Variants in TEX11 observed in about 807,000 individuals in gnomAD.
The protein encoded by TEX11 is testis-expressed protein 11.
TEX11 carries 7 observed loss-of-function variants against 84.4 expected under a neutral mutation model. The ratio of observed to expected loss-of-function variants is 0.08; its 90% CI spans 0.05 to 0.16. TEX11 has a LOEUF of 0.16. Ranked by LOEUF, TEX11 falls within the 10% of genes least tolerant of loss-of-function variation. TEX11 has a pLI of 1.00. For missense variants in TEX11, 551 were observed against 660.5 expected (o/e 0.83, Z 1.82); for synonymous variants, 264 against 222.8 (o/e 1.18, Z -1.64).
rs57753626 is a variant in TEX11 at position 70,759,457 on chromosome X, G to C, written c.693-15238C>G. 9.9e-5 allele frequency among the ~76,000 whole-genome samples: 11 copies of C among 111,071 alleles called. No homozygotes were observed. In the East Asian group the frequency reaches 3.1e-3, roughly 31 times the overall value. On this transcript the variant is annotated intron_variant, in intron 9 of 29. Coordinates refer to ENST00000374333, the MANE Select transcript of TEX11 (RefSeq NM_031276.3). ...GCTTCACCCCTGGGATGCAAGGCTG[G>C]TTCATGCAAATCAATAAATGTAATC...
chrX:70,713,831 T>C (rs2090466458), intron 13 of TEX11, among the ~76,000 whole-genome samples: 1 of 111,705 alleles, frequency 9.0e-6, no homozygotes, highest in African/African-American at 3.3e-5. Context: ...TGCCTTCTGT[T>C]AGCTTTTGCA....
At chrX:70,652,373 T>A (rs756947570) in intron 16 of TEX11, among the ~76,000 whole-genome samples, 1 of 110,952 alleles carries the variant, frequency 9.0e-6, no homozygotes, top group African/African-American at 3.3e-5. Flanking sequence ...CAAAGCACAC[T>A]CGGAAACAAG....
intron 17 of TEX11, among the ~76,000 whole-genome samples, chrX:70,645,968 T>C: frequency 9.1e-6 from 1 of 110,369 alleles, no homozygotes; most frequent in Non-Finnish European, 1.9e-5. Flanking sequence ...GCTATCGCAA[T>C]CTTGAGCAAA....
At chrX:70,655,845 T>G (rs2089859729) in intron 16 of TEX11, among the ~76,000 whole-genome samples, 1 of 111,128 alleles carries the variant, frequency 9.0e-6, no homozygotes, top group Admixed American at 9.6e-5. Flanking sequence ...ACTAATACCG[T>G]ATCTATACAA....
chrX:70,730,633 A>C (rs376207965), intron 11 of TEX11, among the ~76,000 whole-genome samples: 1 of 111,684 alleles, frequency 9.0e-6, no homozygotes. Context: ...CCCAATACAG[A>C]AGCACCCAGA....
At chrX:70,557,821 T>C (rs943440738) in intron 25 of TEX11, among the ~76,000 whole-genome samples, 4 of 111,969 alleles carry the variant, frequency 3.6e-5, no homozygotes, top group African/African-American at 1.3e-4. Context: ...AATAAAGTTG[T>C]AGGACTAACA....
At chrX:70,606,037 C>T (rs1324869369) in intron 23 of TEX11, among the ~76,000 whole-genome samples, 2 of 112,272 alleles carry the variant, frequency 1.8e-5, no homozygotes, top group African/African-American at 3.2e-5. Context: ...GATTCTTACA[C>T]GCCAATCCTA....
At chrX:70,752,584 T>G (rs2090836495) in intron 9 of TEX11, among the ~76,000 whole-genome samples, 1 of 107,001 alleles carries the variant, frequency 9.3e-6, no homozygotes, top group Admixed American at 1.0e-4. Context: ...CAAAAAATGT[T>G]ACAAAAATTA....
At chrX:70,900,730 G>C (rs2091798827) in intron 2 of TEX11, among the ~76,000 whole-genome samples, 1 of 111,059 alleles carries the variant, frequency 9.0e-6, no homozygotes, top group Non-Finnish European at 1.9e-5. Context: ...GAGGTGGGTG[G>C]ATCACTTGAG....
intron 8 of TEX11, among the ~76,000 whole-genome samples, chrX:70,809,699 AGTTTT>A (rs1391001950): frequency 9.0e-6 from 1 of 110,727 alleles, no homozygotes; most frequent in East Asian, 2.8e-4. Context: ...TTTCGGGGTT[AGTTTT>A]GTTTTGTTTT....
chrX:70,579,083 G>A (rs974962057), intron 25 of TEX11, among the ~76,000 whole-genome samples: 6 of 110,760 alleles, frequency 5.4e-5, no homozygotes, highest in Non-Finnish European at 9.4e-5. Flanking sequence ...ATACTAAAAT[G>A]TGCTAAACTA....
At position 70,746,285 on chromosome X, in the gene TEX11, C is replaced by A. The variant is rs746578886; in HGVS notation, c.693-2066G>T. On this transcript the variant is annotated intron_variant, in intron 9 of 29. Coordinates refer to ENST00000374333, the MANE Select transcript of TEX11 (RefSeq NM_031276.3). Reference sequence around the variant, plus strand: ...TATCTTGCCATTCTCAGGCCTGTGTCATGGAAGTGTTCTGGGCAAGTACGA... The same window carrying A: ...TATCTTGCCATTCTCAGGCCTGTGTAATGGAAGTGTTCTGGGCAAGTACGA... 2.1e-4 allele frequency among the ~76,000 whole-genome samples: 23 copies of A among 111,160 alleles called. No homozygotes were observed. The East Asian group carries it at 6.5e-3, about 32-fold the overall frequency.
intron 8 of TEX11, among the ~76,000 whole-genome samples, chrX:70,831,606 C>T (rs184939960): frequency 5.4e-5 from 6 of 110,935 alleles, no homozygotes; most frequent in South Asian, 3.8e-4. Flanking sequence ...TCCAGCCTGG[C>T]GACAGAGCAA....
At chrX:70,577,761 C>A (rs866470155) in intron 25 of TEX11, among the ~76,000 whole-genome samples, 1 of 88,924 alleles carries the variant, frequency 1.1e-5, no homozygotes, top group South Asian at 4.3e-4. Flanking sequence ...GACAGTCTCA[C>A]TCTGTCACCA....
At chrX:70,884,967 A>G (rs1352399895) in intron 2 of TEX11, among the ~76,000 whole-genome samples, 5 of 111,211 alleles carry the variant, frequency 4.5e-5, no homozygotes, top group Non-Finnish European at 9.4e-5. Flanking sequence ...GAACTTGCAT[A>G]TATCTCTCTA....
In TEX11 at chrX:70,677,810, CTTTTTT is replaced by C. The variant is rs35653618; in HGVS notation, c.1242+988_1242+993del. Among the ~76,000 whole-genome samples, 11 of 63,585 alleles carry C rather than the reference CTTTTTT, an allele frequency of 1.7e-4. No homozygotes were observed. The East Asian group carries it at 4.6e-3, about 27-fold the overall frequency. The allele number at this position is 63,585 out of a possible 115,157, so 55.2% of individuals were successfully genotyped here. The stretch of plus-strand genomic sequence containing the variant: ...TCACTTTCTTTCTTTCTTTTCTTTC[CTTTTTT>C]TTTTTTTTTTTTTTTTGAGATGGAG... On this transcript the variant is annotated intron_variant, in intron 15 of 29. Transcript: ENST00000374333.
chrX:70,598,136 G>A (rs754562752), intron 24 of TEX11, among the ~76,000 whole-genome samples: 25 of 112,169 alleles, frequency 2.2e-4, no homozygotes, highest in Middle Eastern at 9.1e-3. Context: ...AGCTGAGATC[G>A]TGCCACTGCA....
At chrX:70,625,083 C>T (rs187404455) in intron 18 of TEX11, among the ~76,000 whole-genome samples, 159 bp from the exon 19 acceptor site, 45 of 111,733 alleles carry the variant, frequency 4.0e-4, no homozygotes, top group African/African-American at 1.4e-3. Flanking sequence ...AGATGCAACT[C>T]ACTGACAAAA....
At chrX:70,531,233 A>G (rs990165043) in intron 28 of TEX11, among the ~76,000 whole-genome samples, 1 of 111,589 alleles carries the variant, frequency 9.0e-6, no homozygotes. Context: ...AAGAGGCACA[A>G]CAGATGTTTG....
Sources: allele counts gnomAD v4.1 joint callset (sites outside exome capture counted in the v4.1 genomes callset), GRCh38; gene constraint gnomAD v4.1.1; transcripts MANE v1.5; gene names NCBI Gene and HGNC (gene_info 2026-07-23, HGNC 2026-07-21).